The following PDE1C variants were observed in gnomAD, a reference collection of about 807,000 sequenced individuals.
PDE1C encodes the protein phosphodiesterase 1C, also known as dual specificity calcium/calmodulin-dependent 3',5'-cyclic nucleotide phosphodiesterase 1C.
A neutral mutation model predicts 93.1 loss-of-function variants in PDE1C; 62 were observed. That is an observed-to-expected ratio of 0.67 (90% confidence interval 0.54 to 0.82). The LOEUF is 0.82. Ranked by LOEUF, PDE1C falls within the 40% of genes least tolerant of loss-of-function variation. The pLI, the probability that PDE1C is intolerant of heterozygous loss-of-function variation, is 0.00. For missense variants in PDE1C, 742 were observed against 884.6 expected (o/e 0.84, Z 2.04); for synonymous variants, 325 against 310.1 (o/e 1.05, Z -0.50).
At chr7:32,166,061 A>G (rs1802244185) in intron 3 of PDE1C, among the ~76,000 whole-genome samples, 1 of 152,218 alleles carries the variant, frequency 6.6e-6, no homozygotes. Flanking sequence ...CAAAAAAAAA[A>G]AAAGACATTA....
At chr7:31,843,374 G>T (rs2128781803) in intron 9 of PDE1C, among the ~76,000 whole-genome samples, 1 of 151,990 alleles carries the variant, frequency 6.6e-6, no homozygotes, top group Non-Finnish European at 1.5e-5. Flanking sequence ...TGTTTTGGAA[G>T]TCTACAGTTA....
intron 16 of PDE1C, chr7:31,786,033 T>G (rs891486621): frequency 2.0e-5 from 3 of 152,246 alleles, no homozygotes; most frequent in Non-Finnish European, 4.4e-5. Flanking sequence ...ACATCATTAT[T>G]GCAACATTAT....
the PDE1C span, among the ~76,000 whole-genome samples, chr7:31,722,860 T>G: frequency 6.6e-6 from 1 of 152,162 alleles, no homozygotes; most frequent in Non-Finnish European, 1.5e-5. Context: ...ATCCCTCCAG[T>G]TCGTTTTCAG....
At chr7:32,328,788 C>T (rs183987815) in intron 1 of PDE1C, among the ~76,000 whole-genome samples, 1 of 152,300 alleles carries the variant, frequency 6.6e-6, no homozygotes, top group East Asian at 1.9e-4. Context: ...CTCCACATAG[C>T]TTGTTTCTTT....
the PDE1C span, among the ~76,000 whole-genome samples, chr7:31,723,384 C>A: frequency 1.3e-5 from 2 of 152,162 alleles, no homozygotes; most frequent in Non-Finnish European, 2.9e-5. Context: ...CAACTTTGGC[C>A]TAAGTCAGGA....
At chr7:32,323,968 A>G (rs570017168) in intron 1 of PDE1C, among the ~76,000 whole-genome samples, 2 of 152,324 alleles carry the variant, frequency 1.3e-5, no homozygotes, top group East Asian at 1.9e-4. Flanking sequence ...TTCAAGGTAC[A>G]TACAGAGCAT....
At position 31,849,735 on chromosome 7, in the gene PDE1C, C is replaced by T. The variant is rs1776062142; in HGVS notation, c.851+906G>A. On this transcript the variant is annotated intron_variant, in intron 8 of 17. Coordinates refer to ENST00000396191, the MANE Select transcript of PDE1C (RefSeq NM_001191057.4). ...CTTTCTCTTTGACTTACCACCTTTC[C>T]CCATACCCTAGCTCCTTTTGATTAC... 3.3e-5 allele frequency among the ~76,000 whole-genome samples: 5 copies of T among 152,062 alleles called. No individual in the cohort carries two copies. In the South Asian group the frequency reaches 1.0e-3, roughly 32 times the overall value.
intron 1 of PDE1C, among the ~76,000 whole-genome samples, chr7:32,231,423 A>G (rs1003218445): frequency 8.5e-5 from 13 of 152,222 alleles, no homozygotes; most frequent in African/African-American, 3.1e-4. Flanking sequence ...TGAAATGGAT[A>G]AATTCCTAGA....
chr7:31,909,466 A>G (rs926284924), intron 2 of PDE1C, among the ~76,000 whole-genome samples: 4 of 152,086 alleles, frequency 2.6e-5, no homozygotes, highest in Non-Finnish European at 5.9e-5. Flanking sequence ...TCATCACTGC[A>G]ATGATCGGGA....
chr7:32,167,915 T>C (rs1802406050), intron 3 of PDE1C, among the ~76,000 whole-genome samples: 1 of 152,188 alleles, frequency 6.6e-6, no homozygotes, highest in Non-Finnish European at 1.5e-5. Context: ...TTCCCATACC[T>C]GAGTACTTTA....
At chr7:31,711,906 A>G in the PDE1C span, among the ~76,000 whole-genome samples, 2 of 152,074 alleles carry the variant, frequency 1.3e-5, no homozygotes, top group African/African-American at 4.8e-5. Context: ...TTCCAGTGAC[A>G]CTGGCCTCTG....
At chr7:32,385,904 T>G (rs1433871662) in intron 1 of PDE1C, among the ~76,000 whole-genome samples, 1 of 152,062 alleles carries the variant, frequency 6.6e-6, no homozygotes, top group African/African-American at 2.4e-5. Flanking sequence ...GGTTGCTGCT[T>G]GCTGATACAA....
At chr7:31,971,919 C>T (rs1294771962) in intron 2 of PDE1C, among the ~76,000 whole-genome samples, 3 of 152,186 alleles carry the variant, frequency 2.0e-5, no homozygotes, top group Non-Finnish European at 2.9e-5. Context: ...TGGTAATAAC[C>T]GCCCACTGTA....
intron 3 of PDE1C, among the ~76,000 whole-genome samples, chr7:32,150,412 G>C (rs1801170322): frequency 6.6e-6 from 1 of 152,118 alleles, no homozygotes; most frequent in Non-Finnish European, 1.5e-5. Flanking sequence ...GCCTATGAAG[G>C]AGCATCCCAG....
At chr7:32,197,706 C>G (rs1476808943) in intron 2 of PDE1C, among the ~76,000 whole-genome samples, 1 of 152,116 alleles carries the variant, frequency 6.6e-6, no homozygotes, top group Admixed American at 6.5e-5. Flanking sequence ...CACAATAGAC[C>G]ACATATTGTA....
At chr7:31,963,423 T>C (rs1809361557) in intron 2 of PDE1C, among the ~76,000 whole-genome samples, 1 of 152,228 alleles carries the variant, frequency 6.6e-6, no homozygotes, top group African/African-American at 2.4e-5. Context: ...GCATGGACTA[T>C]TTCCCAGTTT....
intron 2 of PDE1C, among the ~76,000 whole-genome samples, chr7:32,004,418 C>T (rs10251809): frequency 0.24 from 36,181 of 152,042 alleles, 4,525 homozygotes; most frequent in Non-Finnish European, 0.28. Context: ...GCATACAGGC[C>T]ACCTGGCGTC....
At chr7:31,650,035 A>C in the PDE1C span, among the ~76,000 whole-genome samples, 3 of 152,110 alleles carry the variant, frequency 2.0e-5, no homozygotes, top group Non-Finnish European at 4.4e-5. Flanking sequence ...CATTAGACCA[A>C]CTGTGTTTGT....
chr7:32,004,584 G>A (rs952202773), intron 2 of PDE1C, among the ~76,000 whole-genome samples: 1 of 152,132 alleles, frequency 6.6e-6, no homozygotes, highest in African/African-American at 2.4e-5. Context: ...GGTCTTGTGA[G>A]GCCTAGCTGC....
Sources: allele counts gnomAD v4.1 joint callset (sites outside exome capture counted in the v4.1 genomes callset), GRCh38; gene constraint gnomAD v4.1.1; transcripts MANE v1.5; gene names NCBI Gene and HGNC (gene_info 2026-07-23, HGNC 2026-07-21).